TRIM36: variants seen among roughly 807,000 people sequenced by gnomAD.
TRIM36 encodes the protein tripartite motif containing 36, also known as E3 ubiquitin-protein ligase TRIM36.
TRIM36 carries 42 observed loss-of-function variants against 72.4 expected under a neutral mutation model. That is an observed-to-expected ratio of 0.58 (90% CI 0.45 to 0.75). The LOEUF (loss-of-function observed/expected upper bound fraction) is 0.75, where lower values mean the gene tolerates loss of function less well. Ranked by LOEUF, TRIM36 falls within the 30% of genes least tolerant of loss-of-function variation. TRIM36 has a pLI of 0.00. For missense variants in TRIM36, 913 were observed against 857.1 expected (o/e 1.07, Z -0.81); for synonymous variants, 315 against 282.8 (o/e 1.11, Z -1.14).
In TRIM36 at chr5:115,144,461, T is replaced by C. The variant is rs541726455; in HGVS notation, c.735+137A>G. ...AGAAATACTAACAACCTAATATTAG[T>C]AGATCGCTAAGTAACACTTTAACTC... On this transcript the variant is annotated intron_variant, in intron 4 of 9. Transcript: ENST00000513154. 3.0e-5 allele frequency: 31 copies of C among 1,034,788 alleles called. No individual in the cohort carries two copies. In the African/African-American group the frequency reaches 4.7e-4, roughly 16 times the overall value. 64.1% of individuals were successfully genotyped at this position (1,034,788 alleles called of 1,614,324 possible).
Position 115,130,587 on chromosome 5 carries a change from C to T in TRIM36, c.1796+5G>A, listed in dbSNP as rs373586073. On this transcript the variant is annotated splice_donor_5th_base_variant and intron_variant, in intron 9 of 9. Coordinates refer to ENST00000513154, the MANE Select transcript of TRIM36 (RefSeq NM_001300759.2). ...ATCAAGTTCTAGATCAATACAAAAA[C>T]CTACCTTGGACTAACTGCATCCCGG... is the stretch of plus-strand genomic sequence containing the variant. The T allele has an allele frequency of 6.2e-7, 1 of 1,609,830 alleles. No individual in the cohort carries two copies. Among genetic ancestry groups the T allele is most frequent in the African/African-American group, 1.3e-5 (1 of 74,620 alleles).
intron 2 of TRIM36, chr5:115,153,895 C>A (rs2112872315): frequency 6.6e-6 from 1 of 152,292 alleles, no homozygotes; most frequent in African/African-American, 2.4e-5. Context: ...TTCAACAGCA[C>A]ATGGAACTTT....
chr5:115,170,044 T>G, upstream of TRIM36: 1 of 940,728 alleles, frequency 1.1e-6, no homozygotes, highest in Non-Finnish European at 1.3e-6. Flanking sequence ...AGGCCGGGTG[T>G]CTGAGTGGTA....
Position 115,133,854 on chromosome 5 carries a change from C to G in TRIM36, c.1498+6G>C, listed in dbSNP as rs768555092. 6.4e-6 allele frequency: 10 copies of G among 1,572,696 alleles called. No homozygotes were observed. The highest frequency in any genetic ancestry group is 2.7e-5 in the African/African-American group (2 of 73,224). Reference sequence around the variant, plus strand: ...ATGCTTTTTTTATTCCTGATATTCACCATACCTGGAGCTGGAGGAGTATGA... The same window carrying G: ...ATGCTTTTTTTATTCCTGATATTCAGCATACCTGGAGCTGGAGGAGTATGA... On this transcript the variant is annotated splice_donor_region_variant and intron_variant, in intron 8 of 9. Coordinates refer to ENST00000513154, the MANE Select transcript of TRIM36 (RefSeq NM_001300759.2).
intron 2 of TRIM36, chr5:115,148,415 CTTTTTTTTTTTT>C (rs146223001): frequency 4.2e-4 from 211 of 507,192 alleles, no homozygotes; most frequent in Middle Eastern, 1.0e-3. Context: ...TAAATCTGTT[CTTTTTTTTTTTT>C]TTTTTTTTTT....
chr5:115,177,584 C>T (rs538656086), intron 1 of TRIM36: 1 of 1,440,342 alleles, frequency 6.9e-7, no homozygotes, highest in East Asian at 2.5e-5. Flanking sequence ...TGTATAATCA[C>T]ACACAAAACA....
chr5:115,147,010 T>C (rs964201267), intron 3 of TRIM36, 59 bp downstream of exon 3: 3 of 1,424,016 alleles, frequency 2.1e-6, no homozygotes, highest in African/African-American at 2.9e-5. Context: ...ATTAAGTACA[T>C]AAAAGTTTCA....
At chr5:115,155,108 G>A (rs1435068295) in intron 2 of TRIM36, among the ~76,000 whole-genome samples, 2 of 152,212 alleles carry the variant, frequency 1.3e-5, no homozygotes, top group Non-Finnish European at 2.9e-5. Flanking sequence ...AGAATCGCCT[G>A]AACCTGGGAG....
chr5:115,169,944 G>A (rs1159631061), upstream of TRIM36: 5 of 1,230,740 alleles, frequency 4.1e-6, no homozygotes, highest in African/African-American at 1.6e-5. Flanking sequence ...CCTGGGCGGG[G>A]CACCGCGGGG....
intron 3 of TRIM36, among the ~76,000 whole-genome samples, chr5:115,146,591 CATATAACCATT>C (rs1428365847): frequency 2.6e-5 from 4 of 152,152 alleles, no homozygotes; most frequent in African/African-American, 9.7e-5. Context: ...CTCCAGATAA[CATATAACCATT>C]ATATCACAAA....
intron 3 of TRIM36, among the ~76,000 whole-genome samples, chr5:115,145,392 CTG>C (rs1489066005): frequency 1.3e-5 from 2 of 152,150 alleles, no homozygotes; most frequent in African/African-American, 4.8e-5. Context: ...TGTAAAATAA[CTG>C]TTTTCATTTG....
At chr5:115,179,960 C>G (rs11955164) in intron 1 of TRIM36, 4 of 1,613,414 alleles carry the variant, frequency 2.5e-6, no homozygotes, top group Non-Finnish European at 2.5e-6. Flanking sequence ...CGGCGCCCCG[C>G]GCCTCATCAC....
chr5:115,180,260 G>C (rs1034989795), upstream of TRIM36: 1 of 483,804 alleles, frequency 2.1e-6, no homozygotes, highest in Non-Finnish European at 3.6e-6. Flanking sequence ...CTAGGATCCG[G>C]GTGCAGCGGT....
intron 9 of TRIM36, 112 bp from the exon 10 acceptor site, chr5:115,126,969 A>C (rs1752391235): frequency 4.6e-6 from 5 of 1,093,526 alleles, no homozygotes; most frequent in Non-Finnish European, 6.4e-6. Flanking sequence ...TTTACATCAA[A>C]AGCTTTCTAT....
At chr5:115,147,867 C>T (rs1016178740) in intron 2 of TRIM36, among the ~76,000 whole-genome samples, 2 of 152,170 alleles carry the variant, frequency 1.3e-5, no homozygotes, top group Non-Finnish European at 2.9e-5. Context: ...CCAGGCAGAT[C>T]CATGAACTAT....
At chr5:115,171,027 T>A (rs369604741), upstream of TRIM36, 1 of 1,588,706 alleles carries the variant, frequency 6.3e-7, no homozygotes, top group African/African-American at 1.3e-5. Flanking sequence ...TTCATTCCTA[T>A]GTATTAGGCT....
At chr5:115,159,168 T>C (rs1313274021) in intron 2 of TRIM36, among the ~76,000 whole-genome samples, 1 of 152,162 alleles carries the variant, frequency 6.6e-6, no homozygotes, top group East Asian at 1.9e-4. Flanking sequence ...TGCCAAGTAC[T>C]TTAAAACATC....
At chr5:115,164,266 T>C (rs1441192853) in intron 1 of TRIM36, among the ~76,000 whole-genome samples, 1 of 152,214 alleles carries the variant, frequency 6.6e-6, no homozygotes, top group Non-Finnish European at 1.5e-5. Flanking sequence ...TCAGCAATTT[T>C]CTACATTAAA....
intron 2 of TRIM36, among the ~76,000 whole-genome samples, chr5:115,157,619 G>A (rs939095586): frequency 1.3e-5 from 2 of 151,966 alleles, no homozygotes; most frequent in African/African-American, 4.8e-5. Flanking sequence ...TCCCACTAGC[G>A]GGTATCTACC....
Sources: gnomAD v4.1 joint callset for allele counts (sites outside exome capture counted in the v4.1 genomes callset) on GRCh38, gnomAD v4.1.1 for gene constraint, MANE v1.5 for transcripts, NCBI Gene and HGNC (gene_info 2026-07-23, HGNC 2026-07-21) for gene names.